DOC2A: variants seen among roughly 807,000 people sequenced by gnomAD.
DOC2A encodes double C2-like domain-containing protein alpha.
In DOC2A, 28 loss-of-function variants were observed where a neutral mutation model predicts 40.6. That is an observed-to-expected ratio of 0.69 (90% CI 0.51 to 0.95). The LOEUF is 0.95. DOC2A is among the 40% of genes least tolerant of loss of function. The pLI is 0.00. For missense variants in DOC2A, 474 were observed against 552.5 expected (o/e 0.86, Z 1.42); for synonymous variants, 241 against 236.9 (o/e 1.02, Z -0.16).
Position 30,009,352 on chromosome 16 carries a change from G to A in DOC2A, c.343-76C>T, listed in dbSNP as rs951035320. 6.5e-5 allele frequency: 97 copies of A among 1,502,532 alleles called. No individual in the cohort carries two copies. The highest frequency in any genetic ancestry group is 8.3e-5 in the Non-Finnish European group (92 of 1,103,820). 93.1% of individuals were successfully genotyped at this position (1,502,532 alleles called of 1,614,324 possible). A position where few individuals can be genotyped will look rare whatever the true frequency, so the allele number is the denominator to read the frequency against. On this transcript the variant is annotated intron_variant, in intron 3 of 10. Transcript: ENST00000350119. This position sits in a 1 kb window ranked among gnomAD's most constrained non-coding sequence, Gnocchi z 4.1. ...ATCCCTCTTGTAGAGCTGGACCCTG[G>A]AGGAGCCCAGAAGGAGGGGGCAAGG...
upstream of DOC2A, chr16:30,011,030 G>C: frequency 1.0e-6 from 1 of 986,638 alleles, no homozygotes; most frequent in Non-Finnish European, 1.2e-6. Context: ...GAAAGTGCGG[G>C]GAGGAGGGGG....
In DOC2A at chr16:30,019,393, C is replaced by T. The variant is rs558718261; in HGVS notation, c.-376+1790G>A. On this transcript the variant is annotated intron_variant, in intron 1 of 5. Coordinates refer to the DOC2A transcript ENST00000574405. Reference sequence around the variant, plus strand: ...CAGGTGTAGATGACCCAGAGTTGCCCGTCTACTCTAGAATGATGCGCATCT... The same window carrying T: ...CAGGTGTAGATGACCCAGAGTTGCCTGTCTACTCTAGAATGATGCGCATCT... Among the ~76,000 whole-genome samples the T allele has an allele frequency of 8.6e-5, 13 of 151,550 alleles. No individual in the cohort carries two copies. In the East Asian group the frequency reaches 1.8e-3, roughly 20 times the overall value.
upstream of DOC2A, chr16:30,012,532 T>C (rs2150960048): frequency 6.6e-6 from 1 of 152,098 alleles, no homozygotes; most frequent in African/African-American, 2.4e-5. Context: ...TCGATATGCG[T>C]ATTTCACGGC....
Position 30,010,926 on chromosome 16 carries a change from G to A in DOC2A, c.-37C>T. The A allele has an allele frequency of 9.8e-7, 1 of 1,015,808 alleles. No individual in the cohort carries two copies. Among genetic ancestry groups the A allele is most frequent in the Non-Finnish European group, 1.2e-6 (1 of 847,996 alleles). The allele number at this position is 1,015,808 out of a possible 1,614,324, so 62.9% of individuals were successfully genotyped here. A position where few individuals can be genotyped will look rare whatever the true frequency, so the allele number is the denominator to read the frequency against. The stretch of plus-strand genomic sequence containing the variant: ...GCCTCTGCCTCCAACAGGTGCCCAG[G>A]CACTGGGGGGACGGCGGGCGCAGGC... On this transcript the variant is annotated 5_prime_UTR_variant, in exon 1 of 11. Transcript: ENST00000350119. The surrounding 1 kb of genome is among the most constrained non-coding windows in gnomAD (Gnocchi z 4.2).
chr16:30,010,756 A>G lies in DOC2A; in HGVS notation c.-14+147T>C. 3 of 497,276 alleles carry G rather than the reference A, an allele frequency of 6.0e-6. No individual in the cohort carries two copies. The highest frequency in any genetic ancestry group is 8.1e-6 in the Non-Finnish European group (3 of 371,504). 30.8% of individuals were successfully genotyped at this position (497,276 alleles called of 1,614,324 possible). A position where few individuals can be genotyped will look rare whatever the true frequency, so the allele number is the denominator to read the frequency against. ...GCTCGCTCACCACAGCCCACGGTGG[A>G]GACCCCAGCCTCAGATGCCACCTCT... On this transcript the variant is annotated intron_variant, in intron 1 of 10. Coordinates refer to ENST00000350119, the MANE Select transcript of DOC2A (RefSeq NM_003586.3). The surrounding 1 kb of genome is among the most constrained non-coding windows in gnomAD (Gnocchi z 4.2).
chr16:30,010,939 G>C lies in DOC2A; in HGVS notation c.-50C>G. Reference sequence around the variant, plus strand: ...ACAGGTGCCCAGGCACTGGGGGGACGGCGGGCGCAGGCTGGGCGGCGGCGG... The same window carrying C: ...ACAGGTGCCCAGGCACTGGGGGGACCGCGGGCGCAGGCTGGGCGGCGGCGG... On this transcript the variant is annotated 5_prime_UTR_variant, in exon 1 of 11. Coordinates refer to ENST00000350119, the MANE Select transcript of DOC2A (RefSeq NM_003586.3). The surrounding 1 kb of genome is among the most constrained non-coding windows in gnomAD (Gnocchi z 4.2). 9.9e-7 allele frequency: 1 copy of C among 1,011,462 alleles called. No individual in the cohort carries two copies. Among genetic ancestry groups the C allele is most frequent in the Middle Eastern group, 5.0e-4 (1 of 2,000 alleles). The allele number at this position is 1,011,462 out of a possible 1,614,324, so 62.7% of individuals were successfully genotyped here.
chr16:30,010,208 C>G lies in DOC2A; in HGVS notation c.15G>C (p.Arg5Ser), dbSNP rs751345208. 96 of 1,613,794 alleles carry G rather than the reference C, an allele frequency of 5.9e-5. No individual in the cohort carries two copies. The highest frequency in any genetic ancestry group is 1.6e-4 in the Middle Eastern group (1 of 6,084). The change falls in exon 2 of 11, where the codon AGG becomes AGC. Residue 5 changes from arginine to serine, a missense_variant. Arg to Ser is a moderately radical substitution (Grantham distance 110, BLOSUM62 -1). Transcript: ENST00000350119. The surrounding 1 kb of genome is among the most constrained non-coding windows in gnomAD (Gnocchi z 4.2). Reference protein sequence around the residue: MRGRRGDRMTINIQE... With the variant: MRGRSGDRMTINIQE... ...GGATGTTGATGGTCATGCGATCGCCCCTGCGGCCCCTCATGCAGCACCCCT... is the reference window on the plus strand; with the variant it reads ...GGATGTTGATGGTCATGCGATCGCCGCTGCGGCCCCTCATGCAGCACCCCT...
At chr16:30,016,045 ATATATATATAT>A (rs2070852314), upstream of DOC2A, among the ~76,000 whole-genome samples, 1 of 22,828 alleles carries the variant, frequency 4.4e-5, no homozygotes, top group African/African-American at 1.5e-4. Flanking sequence ...ATATATATAT[ATATATATATAT>A]TTTTTTTTTT....
chr16:30,006,950 T>G lies in DOC2A; in HGVS notation c.715-2A>C. 1 of 1,613,580 alleles carries G rather than the reference T, an allele frequency of 6.2e-7. No homozygotes were observed. Among genetic ancestry groups the G allele is most frequent in the Non-Finnish European group, 8.5e-7 (1 of 1,179,740 alleles). ...CTGCCCCTGCTCCGCCTGCTCCAAC[T>G]GCGGGGCACAGACTCAGGGTCAGCC... On this transcript the variant is annotated splice_acceptor_variant, in intron 7 of 10. Transcript: ENST00000350119. LOFTEE classifies it high-confidence loss of function. This position sits in a 1 kb window ranked among gnomAD's most constrained non-coding sequence, Gnocchi z 6.2.
chr16:30,013,092 C>T (rs1024301096), upstream of DOC2A, among the ~76,000 whole-genome samples: 3 of 138,792 alleles, frequency 2.2e-5, no homozygotes, highest in Non-Finnish European at 3.0e-5. Flanking sequence ...GAAGCTGAGA[C>T]GGACTGATCC....
At chr16:30,022,334 T>C (rs1313891990), upstream of DOC2A, among the ~76,000 whole-genome samples, 1 of 149,860 alleles carries the variant, frequency 6.7e-6, no homozygotes, top group Admixed American at 6.6e-5. Context: ...TGCAAGGTAC[T>C]TGGCCATAAA....
intron 1 of DOC2A, among the ~76,000 whole-genome samples, chr16:30,017,427 G>A (rs1362517877): frequency 6.6e-6 from 1 of 152,158 alleles, no homozygotes; most frequent in Non-Finnish European, 1.5e-5. Context: ...TAAAGAAAAT[G>A]TGATATGTAT....
chr16:30,016,071 T>TTTC (rs2070854596), upstream of DOC2A, among the ~76,000 whole-genome samples: 1 of 120,240 alleles, frequency 8.3e-6, no homozygotes, highest in African/African-American at 3.5e-5. Flanking sequence ...TTTTTTTTTT[T>TTTC]TTTTTTTAGA....
In DOC2A at chr16:30,006,968, G is replaced by C. The variant is rs1301067684; in HGVS notation, c.715-20C>G. 1 of 1,613,696 alleles carries C rather than the reference G, an allele frequency of 6.2e-7. No individual in the cohort carries two copies. On this transcript the variant is annotated intron_variant, in intron 7 of 10. Transcript: ENST00000350119. The surrounding 1 kb of genome is among the most constrained non-coding windows in gnomAD (Gnocchi z 6.2). The stretch of plus-strand genomic sequence containing the variant: ...CTCCAACTGCGGGGCACAGACTCAG[G>C]GTCAGCCTGGGCCCCTGCAGCCTCC...
intron 5 of DOC2A, 108 bp from the exon 6 acceptor site, chr16:30,007,407 C>T (rs2070648810): frequency 6.7e-7 from 1 of 1,494,794 alleles, no homozygotes; most frequent in Admixed American, 1.7e-5. Flanking sequence ...TACGTCTCAT[C>T]TGGAAGACAG....
At chr16:30,014,649 C>G (rs1270310874), upstream of DOC2A, among the ~76,000 whole-genome samples, 1 of 132,472 alleles carries the variant, frequency 7.5e-6, no homozygotes, top group Admixed American at 7.6e-5. Flanking sequence ...AAAAAAAAAG[C>G]AAAGTGCAGG....
rs199609144 is a variant in DOC2A at position 30,006,606 on chromosome 16, T to A, written c.950A>T (p.Glu317Val). 42 of 1,613,494 alleles carry A rather than the reference T, an allele frequency of 2.6e-5. No homozygotes were observed. The East Asian group carries it at 8.3e-4, about 32-fold the overall frequency. ...TCCCCTCCTGGGTACCTCGTTAAAT[T>A]CTGGGTTGAGAGTCTTCTTCTTCAC... ...TCVKKKTLNPEFNEEFFYEIE... is the reference protein window; with the variant it reads ...TCVKKKTLNPVFNEEFFYEIE... The change falls in exon 9 of 11, where the codon GAA becomes GTA. Residue 317 changes from glutamate (E) to valine (V), a missense_variant. By Grantham distance (121) the Glu-to-Val change is moderately radical (BLOSUM62 -2). Coordinates refer to ENST00000350119, the MANE Select transcript of DOC2A (RefSeq NM_003586.3). This position sits in a 1 kb window ranked among gnomAD's most constrained non-coding sequence, Gnocchi z 6.2.
chr16:30,009,797 A>G lies in DOC2A; in HGVS notation c.262+164T>C, dbSNP rs1308621393. 6.6e-6 allele frequency among the ~76,000 whole-genome samples: 1 copy of G among 151,974 alleles called. No individual in the cohort carries two copies. Among genetic ancestry groups the G allele is most frequent in the African/African-American group, 2.4e-5 (1 of 41,332 alleles). On this transcript the variant is annotated intron_variant, in intron 2 of 10. Coordinates refer to ENST00000350119, the MANE Select transcript of DOC2A (RefSeq NM_003586.3). The surrounding 1 kb of genome is among the most constrained non-coding windows in gnomAD (Gnocchi z 4.1). ...AATATTGAGCCTTGCTGAAGCTGTA[A>G]TCTCCACGCTGACTGCAGCTGTGGT... is the stretch of plus-strand genomic sequence containing the variant.
intron 5 of DOC2A, 139 bp downstream of exon 5, chr16:30,008,857 C>G (rs896573358): frequency 3.0e-5 from 20 of 675,890 alleles, no homozygotes; most frequent in Non-Finnish European, 4.8e-5. Flanking sequence ...TGGCCTGCTG[C>G]CAAAGGGGCT....
Sources: gnomAD v4.1 joint callset for allele counts (sites outside exome capture counted in the v4.1 genomes callset) on GRCh38, gnomAD v4.1.1 for gene constraint, Gnocchi (gnomAD v3.1) non-coding constraint, MANE v1.5 for transcripts, NCBI Gene and HGNC (gene_info 2026-07-23, HGNC 2026-07-21) for gene names.